The following THEMIS variants were observed in gnomAD, a reference collection of about 807,000 sequenced individuals.
The protein encoded by THEMIS is thymocyte selection associated.
THEMIS carries 37 observed loss-of-function variants against 52.6 expected under a neutral mutation model. That is an observed-to-expected ratio of 0.70 (90% CI 0.54 to 0.93). The LOEUF (loss-of-function observed/expected upper bound fraction) is 0.93. THEMIS is among the 40% of genes least tolerant of loss of function. The pLI is 0.00. For synonymous variants in THEMIS, 292 were observed against 272.7 expected (o/e 1.07, Z -0.70); for missense variants, 808 against 763.1 (o/e 1.06, Z -0.69).
intron 1 of THEMIS, among the ~76,000 whole-genome samples, chr6:127,872,035 A>G (rs1780173387): frequency 6.6e-6 from 1 of 152,222 alleles, no homozygotes; most frequent in African/African-American, 2.4e-5. Flanking sequence ...CAATTCATTA[A>G]TATAGACAAA....
chr6:127,901,125 C>A, upstream of THEMIS: 1 of 583,828 alleles, frequency 1.7e-6, no homozygotes, highest in Non-Finnish European at 3.1e-6. Flanking sequence ...AAGCAGGAGA[C>A]AAAAAATGTT....
At chr6:127,784,540 A>T (rs191882062) in intron 4 of THEMIS, among the ~76,000 whole-genome samples, 265 of 152,178 alleles carry the variant, frequency 1.7e-3, no homozygotes, top group African/African-American at 5.8e-3. Flanking sequence ...AAATCCTCTC[A>T]CACACACACA....
At chr6:127,749,429 AGCTT>A (rs1775559630) in intron 4 of THEMIS, among the ~76,000 whole-genome samples, 1 of 152,052 alleles carries the variant, frequency 6.6e-6, no homozygotes, top group Non-Finnish European at 1.5e-5. Context: ...GCACATCAGC[AGCTT>A]ATTTTGAAAG....
chr6:127,803,494 A>T (rs1323604799), intron 4 of THEMIS, among the ~76,000 whole-genome samples: 3 of 152,030 alleles, frequency 2.0e-5, no homozygotes, highest in African/African-American at 7.2e-5. Context: ...CCTGTTATAC[A>T]TCCCTATCTA....
chr6:127,913,322 C>T (rs147187277), intron 1 of THEMIS, among the ~76,000 whole-genome samples: 2 of 152,244 alleles, frequency 1.3e-5, no homozygotes, highest in Admixed American at 1.3e-4. Context: ...TTTCAGTTTC[C>T]ATTCGCTGAA....
intron 2 of THEMIS, among the ~76,000 whole-genome samples, chr6:127,846,053 G>A (rs1779203246): frequency 1.3e-5 from 2 of 152,004 alleles, no homozygotes; most frequent in South Asian, 4.1e-4. Context: ...GAACAACAGA[G>A]CCCTTCAACA....
In THEMIS at chr6:127,727,079, G is replaced by T. The variant is rs543048389; in HGVS notation, c.1759-7256C>A. On this transcript the variant is annotated intron_variant, in intron 4 of 5. Transcript: ENST00000368248. ...TGCGATTTTAGAGACGCTATGGCAA[G>T]TGCCTCCTCTTCAAAATGCCAAAGT... Among the ~76,000 whole-genome samples, 35 of 152,320 alleles carry T rather than the reference G, an allele frequency of 2.3e-4. No individual in the cohort carries two copies. The South Asian group carries it at 6.6e-3, about 29-fold the overall frequency.
chr6:127,797,233 T>A (rs1002134437), intron 4 of THEMIS, among the ~76,000 whole-genome samples: 4 of 152,210 alleles, frequency 2.6e-5, no homozygotes, highest in Admixed American at 1.3e-4. Context: ...AATATCTTTA[T>A]AATGTTGAAA....
chr6:127,771,592 G>A lies in THEMIS; in HGVS notation c.1758+41291C>T, dbSNP rs772138293. Among the ~76,000 whole-genome samples the A allele has an allele frequency of 4.1e-4, 62 of 151,996 alleles. 1 individual carries two copies. Among genetic ancestry groups the A allele is most frequent in the Non-Finnish European group, 1.5e-4 (10 of 67,944 alleles). ...TATAGACCAATGGAACAGAACAGAA[G>A]CCTCAGAAATAACACCACACATCTA... On this transcript the variant is annotated intron_variant, in intron 4 of 5. Coordinates refer to ENST00000368248, the MANE Select transcript of THEMIS (RefSeq NM_001010923.3).
chr6:127,727,467 A>G (rs556830767), intron 4 of THEMIS, among the ~76,000 whole-genome samples: 2 of 152,194 alleles, frequency 1.3e-5, no homozygotes, highest in Non-Finnish European at 2.9e-5. Flanking sequence ...TGCAGATGAC[A>G]GATGGGAACT....
chr6:127,835,730 C>T (rs1778853781), intron 2 of THEMIS, among the ~76,000 whole-genome samples: 1 of 152,116 alleles, frequency 6.6e-6, no homozygotes, highest in Non-Finnish European at 1.5e-5. Flanking sequence ...AGCTCAGCAT[C>T]TGGCACAGAT....
intron 4 of THEMIS, among the ~76,000 whole-genome samples, chr6:127,787,850 T>TATAGATAGATG (rs779580245): frequency 5.8e-5 from 8 of 137,510 alleles, no homozygotes; most frequent in African/African-American, 2.0e-4. Flanking sequence ...GATAGACAGA[T>TATAGATAGATG]ATAGATAGAT....
intron 4 of THEMIS, among the ~76,000 whole-genome samples, chr6:127,804,277 A>G (rs1304746136): frequency 6.6e-6 from 1 of 152,170 alleles, no homozygotes; most frequent in African/African-American, 2.4e-5. Flanking sequence ...AAAAGTAGGT[A>G]GTGTTTAACT....
intron 4 of THEMIS, among the ~76,000 whole-genome samples, chr6:127,734,482 G>C (rs753644200): frequency 1.3e-5 from 2 of 152,114 alleles, no homozygotes; most frequent in Non-Finnish European, 2.9e-5. Context: ...CTATTCTCTT[G>C]CTTTTTGTGT....
intron 1 of THEMIS, among the ~76,000 whole-genome samples, chr6:127,912,148 A>C (rs1303667484): frequency 2.0e-5 from 3 of 152,178 alleles, no homozygotes; most frequent in Admixed American, 1.3e-4. Context: ...GTCAAAGGAA[A>C]TCATTTTGGA....
chr6:127,885,631 T>C (rs1780622377), intron 1 of THEMIS, among the ~76,000 whole-genome samples: 1 of 152,128 alleles, frequency 6.6e-6, no homozygotes, highest in Admixed American at 6.6e-5. Flanking sequence ...ATAATTTCCA[T>C]GATTTTAACA....
intron 1 of THEMIS, among the ~76,000 whole-genome samples, chr6:127,891,916 A>G (rs966802939): frequency 6.6e-6 from 1 of 152,170 alleles, no homozygotes; most frequent in African/African-American, 2.4e-5. Flanking sequence ...CCTCAAACAG[A>G]CAAAGCTCCT....
Position 127,900,820 on chromosome 6 carries a change from AAAGGT to A in THEMIS, c.91+17_91+21del. ...ACTTTACAAGAATGTTCTAGCCAGT[AAAGGT>A]ATTGGAGAGTGCTTACCTTCAAGAT... On this transcript the variant is annotated intron_variant, in intron 1 of 5. Transcript: ENST00000368248. 6.3e-7 allele frequency: 1 copy of A among 1,593,652 alleles called. No homozygotes were observed. Among genetic ancestry groups the A allele is most frequent in the Non-Finnish European group, 8.6e-7 (1 of 1,161,924 alleles).
At chr6:127,794,245 TTC>T (rs879793684) in intron 4 of THEMIS, among the ~76,000 whole-genome samples, 4 of 152,220 alleles carry the variant, frequency 2.6e-5, no homozygotes, top group African/African-American at 4.8e-5. Flanking sequence ...TAACTGGACT[TTC>T]TGTTTCCATT....
Sources: gnomAD v4.1 joint callset for allele counts (sites outside exome capture counted in the v4.1 genomes callset) on GRCh38, gnomAD v4.1.1 for gene constraint, MANE v1.5 for transcripts, NCBI Gene and HGNC (gene_info 2026-07-23, HGNC 2026-07-21) for gene names.